AGBL1: variants seen among roughly 807,000 people sequenced by gnomAD.
AGBL1 encodes the protein AGBL carboxypeptidase 1.
AGBL1 carries 130 observed loss-of-function variants against 118.9 expected under a neutral mutation model. That is an observed-to-expected ratio of 1.09 (90% CI 0.95 to 1.26). AGBL1 has a LOEUF of 1.26. AGBL1 is among the 50% of genes most tolerant of loss of function. The probability of loss-of-function intolerance (pLI) is 0.00; values close to 1 mark genes in which losing one functional copy is unlikely to be tolerated. For synonymous variants in AGBL1, 555 were observed against 478.9 expected (o/e 1.16, Z -2.08); for missense variants, 1,584 against 1,298.1 (o/e 1.22, Z -3.38).
rs1222745304 is a variant in AGBL1, at chr15:86,618,709, C to T, written c.2995-55564C>T. ...ACATGCAGATTTATTTGATCCTAGA[C>T]TCCCATCCTTACTGCACCAGAAAAT... On this transcript the variant is annotated intron_variant, in intron 21 of 22. Coordinates refer to ENST00000614907, the MANE Select transcript of AGBL1 (RefSeq NM_001386094.1). Among the ~76,000 whole-genome samples the T allele has an allele frequency of 4.6e-5, 7 of 152,326 alleles. No individual in the cohort carries two copies. The East Asian group carries it at 5.8e-4, about 13-fold the overall frequency.
At chr15:86,888,995 C>A (rs2080012697) in intron 22 of AGBL1, among the ~76,000 whole-genome samples, 1 of 152,028 alleles carries the variant, frequency 6.6e-6, no homozygotes, top group African/African-American at 2.4e-5. Context: ...TAAAGACTGG[C>A]ACTAAAGGAG....
intron 5 of AGBL1, among the ~76,000 whole-genome samples, chr15:86,208,629 G>T (rs1347112887): frequency 7.2e-5 from 11 of 152,122 alleles, no homozygotes; most frequent in Non-Finnish European, 1.5e-5. Context: ...AGTATTCTGT[G>T]ACGGTAGTTT....
chr15:86,814,768 C>T (rs546118545), intron 22 of AGBL1, among the ~76,000 whole-genome samples: 1 of 152,304 alleles, frequency 6.6e-6, no homozygotes, highest in South Asian at 2.1e-4. Flanking sequence ...CCAAAGAAAA[C>T]AGTCAATTTT....
rs533326461 is a variant in AGBL1 at position 86,893,901 on chromosome 15, A to G, written c.3159-13186A>G. 1.1e-4 allele frequency among the ~76,000 whole-genome samples: 16 copies of G among 152,288 alleles called. No individual in the cohort carries two copies. In the South Asian group the frequency reaches 3.3e-3, roughly 32 times the overall value. On this transcript the variant is annotated intron_variant, in intron 22 of 22. Coordinates refer to ENST00000614907, the MANE Select transcript of AGBL1 (RefSeq NM_001386094.1). ...TCATTTCAAGAAGAAAAACAATAAG[A>G]TTCCCATTTTACACATGAAGACAAC...
At chr15:86,124,421 G>C (rs902252524) in intron 1 of AGBL1, among the ~76,000 whole-genome samples, 17 of 151,384 alleles carry the variant, frequency 1.1e-4, no homozygotes, top group African/African-American at 4.1e-4. Context: ...CAGTTTTTTA[G>C]TTTTGACAAA....
intron 17 of AGBL1, among the ~76,000 whole-genome samples, chr15:86,313,830 A>G (rs1255585851): frequency 6.6e-6 from 1 of 152,222 alleles, no homozygotes; most frequent in Non-Finnish European, 1.5e-5. Context: ...ATGAACCAAG[A>G]TTATCTTTAG....
intron 22 of AGBL1, among the ~76,000 whole-genome samples, chr15:86,827,378 TATATAC>T (rs2079031639): frequency 1.0e-4 from 1 of 9,778 alleles, no homozygotes; most frequent in African/African-American, 1.1e-3. Context: ...TGTATATATA[TATATAC>T]ACATATATAT....
chr15:86,883,012 G>A (rs999828913), intron 22 of AGBL1, among the ~76,000 whole-genome samples: 4 of 152,210 alleles, frequency 2.6e-5, no homozygotes, highest in Non-Finnish European at 4.4e-5. Flanking sequence ...GAGTTGCAGA[G>A]TTGCTTGGTA....
chr15:86,727,712 G>A (rs1053821765), intron 22 of AGBL1, among the ~76,000 whole-genome samples: 1 of 152,120 alleles, frequency 6.6e-6, no homozygotes, highest in African/African-American at 2.4e-5. Flanking sequence ...GCTTAATTCT[G>A]ATTTCTCAAT....
At chr15:86,148,364 G>A (rs2077060219) in intron 3 of AGBL1, among the ~76,000 whole-genome samples, 1 of 152,086 alleles carries the variant, frequency 6.6e-6, no homozygotes, top group Non-Finnish European at 1.5e-5. Flanking sequence ...CCCATTGCAA[G>A]GAAGCTAATC....
chr15:86,331,241 A>AAT (rs1261039235), intron 17 of AGBL1, among the ~76,000 whole-genome samples: 2 of 143,250 alleles, frequency 1.4e-5, no homozygotes, highest in Non-Finnish European at 3.1e-5. Flanking sequence ...AAAAAAAAAA[A>AAT]ACAAAGTCTG....
chr15:87,018,613 A>G (rs7162644), intron 24 of AGBL1, among the ~76,000 whole-genome samples: 11,285 of 152,148 alleles, frequency 0.074, 1,423 homozygotes, highest in African/African-American at 0.26. Context: ...TGAAGGAAGC[A>G]CTAAATATGG....
intron 24 of AGBL1, among the ~76,000 whole-genome samples, chr15:86,997,240 A>G (rs1391399887): frequency 1.3e-5 from 2 of 152,058 alleles, no homozygotes; most frequent in African/African-American, 2.4e-5. Flanking sequence ...TTATTTCCAT[A>G]CATTGTATCT....
chr15:86,476,521 G>C (rs2082561179), intron 18 of AGBL1, among the ~76,000 whole-genome samples: 2 of 152,160 alleles, frequency 1.3e-5, no homozygotes, highest in South Asian at 4.1e-4. Context: ...AATTCAACAA[G>C]AAGAGCTAAC....
chr15:86,776,910 G>A (rs968827489), intron 22 of AGBL1, among the ~76,000 whole-genome samples: 1 of 151,814 alleles, frequency 6.6e-6, no homozygotes, highest in African/African-American at 2.4e-5. Context: ...GTTAAAATAT[G>A]TGATTTTTCT....
chr15:86,408,850 G>A (rs2081571907), intron 18 of AGBL1, among the ~76,000 whole-genome samples: 1 of 152,104 alleles, frequency 6.6e-6, no homozygotes, highest in Admixed American at 6.5e-5. Context: ...GAAGGGGTCT[G>A]AGGAACTACA....
At chr15:86,101,021 G>C (rs1397532215) in intron 1 of AGBL1, among the ~76,000 whole-genome samples, 1 of 151,854 alleles carries the variant, frequency 6.6e-6, no homozygotes, top group African/African-American at 2.4e-5. Context: ...TAAACTTTTA[G>C]CACAACTTTT....
At position 86,778,006 on chromosome 15, in the gene AGBL1, T is replaced by C. The variant is rs2078283034; in HGVS notation, c.3158+103570T>C. ...CATGTAGGTTCTTTTCTATGTTCCC[T>C]AAGGGTCAGCCGGTCTGAGAAATAA... On this transcript the variant is annotated intron_variant, in intron 22 of 22. Coordinates refer to ENST00000614907, the MANE Select transcript of AGBL1 (RefSeq NM_001386094.1). 2.0e-5 allele frequency among the ~76,000 whole-genome samples: 3 copies of C among 152,268 alleles called. No individual in the cohort carries two copies. The South Asian group carries it at 6.2e-4, about 32-fold the overall frequency.
At chr15:86,418,108 T>A (rs2081725536) in intron 18 of AGBL1, among the ~76,000 whole-genome samples, 1 of 152,214 alleles carries the variant, frequency 6.6e-6, no homozygotes, top group Non-Finnish European at 1.5e-5. Flanking sequence ...ATCCATTTCA[T>A]TTGGCTTTCT....
Sources: gnomAD v4.1 joint callset for allele counts (sites outside exome capture counted in the v4.1 genomes callset) on GRCh38, gnomAD v4.1.1 for gene constraint, MANE v1.5 for transcripts, NCBI Gene and HGNC (gene_info 2026-07-23, HGNC 2026-07-21) for gene names.